The following RABGAP1L variants were observed in gnomAD, a reference collection of about 807,000 sequenced individuals.
RABGAP1L encodes RAB GTPase activating protein 1 like.
In RABGAP1L, 63 loss-of-function variants were observed where a neutral mutation model predicts 137.7. The observed-to-expected ratio is 0.46, with a 90% confidence interval of 0.37 to 0.56. RABGAP1L has a LOEUF of 0.56. Among genes scored for constraint, RABGAP1L ranks in the 20% least tolerant of loss-of-function variants. The pLI is 0.00. For missense variants in RABGAP1L, 1,095 were observed against 1,244.0 expected (o/e 0.88, Z 1.80); for synonymous variants, 431 against 433.7 (o/e 0.99, Z 0.08).
chr1:174,703,629 G>A (rs1474183439), intron 17 of RABGAP1L, among the ~76,000 whole-genome samples: 4 of 152,084 alleles, frequency 2.6e-5, no homozygotes, highest in African/African-American at 9.7e-5. Flanking sequence ...TGGATTGAAT[G>A]GTAGTTCTAT....
chr1:174,349,380 C>G (rs1387087948), intron 11 of RABGAP1L, among the ~76,000 whole-genome samples: 1 of 134,284 alleles, frequency 7.4e-6, no homozygotes, highest in Non-Finnish European at 1.6e-5. Flanking sequence ...ACCTCCCTCC[C>G]GGACGGGGCG....
chr1:174,215,490 C>A (rs1333515125), intron 1 of RABGAP1L, among the ~76,000 whole-genome samples: 1 of 151,262 alleles, frequency 6.6e-6, no homozygotes, highest in East Asian at 1.9e-4. Context: ...AAAATAAAAT[C>A]TAATTTAAAA....
intron 13 of RABGAP1L, among the ~76,000 whole-genome samples, chr1:174,614,770 C>T (rs1473888789): frequency 2.6e-5 from 4 of 152,028 alleles, no homozygotes; most frequent in Admixed American, 6.6e-5. Flanking sequence ...GGAGGCTTTG[C>T]TCATTTCTTT....
intron 11 of RABGAP1L, among the ~76,000 whole-genome samples, chr1:174,324,652 A>G (rs543871968): frequency 1.3e-5 from 2 of 152,312 alleles, no homozygotes; most frequent in Admixed American, 1.3e-4. Context: ...GAGGTGGGTT[A>G]AAAGTAGATG....
chr1:174,700,978 TAAC>T, intron 16 of RABGAP1L: 1 of 1,090,786 alleles, frequency 9.2e-7, no homozygotes, highest in Admixed American at 3.4e-5. Flanking sequence ...TTTTTTCAGT[TAAC>T]TGAATGAGCA....
At chr1:174,924,163 T>C (rs1271897625) in intron 19 of RABGAP1L, among the ~76,000 whole-genome samples, 1 of 151,844 alleles carries the variant, frequency 6.6e-6, no homozygotes, top group Non-Finnish European at 1.5e-5. Context: ...GCAAGGTGTG[T>C]GGATCACGAG....
intron 13 of RABGAP1L, among the ~76,000 whole-genome samples, chr1:174,520,990 ACT>A: frequency 6.6e-6 from 1 of 152,218 alleles, no homozygotes; most frequent in Middle Eastern, 3.4e-3. Context: ...ACATAGCGAG[ACT>A]CTGTTGCAAA....
intron 11 of RABGAP1L, among the ~76,000 whole-genome samples, chr1:174,363,296 A>G (rs1203005104): frequency 2.6e-5 from 4 of 152,182 alleles, no homozygotes; most frequent in African/African-American, 9.7e-5. Flanking sequence ...GAATTTTAAA[A>G]TAGTTTTTTT....
chr1:174,548,078 T>A, intron 13 of RABGAP1L: 2 of 1,547,888 alleles, frequency 1.3e-6, no homozygotes, highest in Non-Finnish European at 8.7e-7. Flanking sequence ...TCTTGGCAGC[T>A]TAGCATGAGT....
At chr1:174,695,209 C>G (rs1230613810) in intron 15 of RABGAP1L, among the ~76,000 whole-genome samples, 2 of 152,016 alleles carry the variant, frequency 1.3e-5, no homozygotes, top group Non-Finnish European at 2.9e-5. Context: ...TGATCTCTTC[C>G]CCTACCTCCT....
intron 1 of RABGAP1L, among the ~76,000 whole-genome samples, chr1:174,189,946 C>T (rs1333631558): frequency 6.6e-6 from 1 of 152,148 alleles, no homozygotes; most frequent in African/African-American, 2.4e-5. Context: ...CATATTCAGC[C>T]TCTTTGCCAT....
intron 19 of RABGAP1L, among the ~76,000 whole-genome samples, chr1:174,894,410 T>C (rs1268686573): frequency 6.6e-6 from 1 of 152,218 alleles, no homozygotes; most frequent in Non-Finnish European, 1.5e-5. Context: ...CTTGAACTCT[T>C]CAAAGATTTG....
chr1:174,358,436 C>T (rs1276454091), intron 11 of RABGAP1L, among the ~76,000 whole-genome samples: 1 of 152,108 alleles, frequency 6.6e-6, no homozygotes, highest in Non-Finnish European at 1.5e-5. Context: ...AGATCTCTGT[C>T]AGATGTTTCT....
chr1:174,455,416 A>G (rs187766074), intron 13 of RABGAP1L, among the ~76,000 whole-genome samples: 274 of 152,236 alleles, frequency 1.8e-3, no homozygotes, highest in Non-Finnish European at 3.1e-3. Flanking sequence ...TATAAATTCA[A>G]TTATTTTAAT....
chr1:174,916,106 G>A (rs6425305), intron 19 of RABGAP1L, among the ~76,000 whole-genome samples: 84,855 of 144,410 alleles, frequency 0.59, 27,846 homozygotes, highest in African/African-American at 0.9. Flanking sequence ...ATGGTATGAG[G>A]TAAGGGTCTA....
intron 13 of RABGAP1L, among the ~76,000 whole-genome samples, chr1:174,430,938 A>G (rs1318293527): frequency 2.6e-5 from 4 of 152,228 alleles, no homozygotes; most frequent in Non-Finnish European, 4.4e-5. Flanking sequence ...TGATCATTCT[A>G]TACTTCATGG....
chr1:174,288,728 G>A (rs1676298460), intron 10 of RABGAP1L, among the ~76,000 whole-genome samples: 1 of 152,040 alleles, frequency 6.6e-6, no homozygotes, highest in African/African-American at 2.4e-5. Flanking sequence ...TCATAACTTT[G>A]ACTGTCCTCT....
chr1:174,395,944 C>A (rs1239101369), intron 13 of RABGAP1L, among the ~76,000 whole-genome samples: 1 of 151,652 alleles, frequency 6.6e-6, no homozygotes. Flanking sequence ...TGTACGTCTA[C>A]TTGGGTCTGT....
intron 13 of RABGAP1L, among the ~76,000 whole-genome samples, chr1:174,615,824 A>G (rs1671786013): frequency 6.6e-6 from 1 of 151,934 alleles, no homozygotes; most frequent in South Asian, 2.1e-4. Context: ...TTGCAGTTTG[A>G]TCTCCGACTG....
Sources: gnomAD v4.1 joint callset for allele counts (sites outside exome capture counted in the v4.1 genomes callset) on GRCh38, gnomAD v4.1.1 for gene constraint, MANE v1.5 for transcripts, NCBI Gene and HGNC (gene_info 2026-07-23, HGNC 2026-07-21) for gene names.